USP8: variants seen among roughly 807,000 people sequenced by gnomAD.
USP8 encodes ubiquitin specific peptidase 8.
USP8 carries 27 observed loss-of-function variants against 130.0 expected under a neutral mutation model. The observed-to-expected ratio is 0.21, with a 90% confidence interval of 0.15 to 0.29. USP8 has a LOEUF of 0.29. Among genes scored for constraint, USP8 ranks in the 10% least tolerant of loss-of-function variants. The pLI, the probability that USP8 is intolerant of heterozygous loss-of-function variation, is 1.00. For synonymous variants in USP8, 392 were observed against 444.1 expected, an observed-to-expected ratio of 0.88 and a Z score of 1.48; for missense variants, 1,029 against 1,312.2, an observed-to-expected ratio of 0.78 and a Z score of 3.33.
chr15:50,456,413 T>C (rs934356466), intron 4 of USP8, among the ~76,000 whole-genome samples: 1 of 149,496 alleles, frequency 6.7e-6, no homozygotes, highest in Admixed American at 6.7e-5. Flanking sequence ...CTACTAAAAA[T>C]ACAAAAATAA....
rs779376532 is a variant in USP8, at chr15:50,497,221, C to T, written c.3028C>T (p.His1010Tyr). Residue 1010 changes from histidine to tyrosine, a missense_variant, in exon 18 of 20, where the codon CAT becomes TAT. Transcript: ENST00000307179. ...GAAGTTACCACCTGTGCTTTTAGTG[C>T]ATCTGAAACGGTAAAGGGGAAAGTT... is the stretch of plus-strand genomic sequence containing the variant. ...IWKLPPVLLV[H>Y]LKRFSYDGRW... 1 of 1,602,290 alleles carries T rather than the reference C, an allele frequency of 6.2e-7. No individual in the cohort carries two copies. Among genetic ancestry groups the T allele is most frequent in the Non-Finnish European group, 8.5e-7 (1 of 1,176,694 alleles).
At position 50,481,983 on chromosome 15, in the gene USP8, G is replaced by A; in HGVS notation, c.1721G>A (p.Arg574Lys). Residue 574 changes from arginine to lysine, a missense_variant, in exon 11 of 20, where the codon AGG (arginine) becomes AAG (lysine). This residue lies in a region of USP8 where 486 missense variants were observed against 522.0 expected (regional missense o/e 0.93). Coordinates refer to ENST00000307179, the MANE Select transcript of USP8 (RefSeq NM_005154.5). ...AAATCTGTAGAAGATAGGGGGAAAA[G>A]GTGTCCAACCCCAGAAATACAGAAA... ...AKKSVEDRGK[R>K]CPTPEIQKKS... is the part of the protein sequence containing the mutation. The A allele has an allele frequency of 6.3e-7, 1 of 1,594,314 alleles. No individual in the cohort carries two copies. The highest frequency in any genetic ancestry group is 1.1e-5 in the South Asian group (1 of 87,140).
Position 50,481,948 on chromosome 15 carries a change from T to C in USP8, c.1686T>C (p.Ser562=). Residue 562 remains serine (S), a synonymous_variant, in exon 11 of 20, where the codon TCT becomes TCC. Transcript: ENST00000307179. ...AAAGTAAAAGTGAACATGAAACTTCTGATGCCAAGAAATCTGTAGAAGATA... is the reference window on the plus strand; with the variant it reads ...AAAGTAAAAGTGAACATGAAACTTCCGATGCCAAGAAATCTGTAGAAGATA... The part of the protein sequence containing the change: ...KRQSKSEHET[S]DAKKSVEDRG... The C allele has an allele frequency of 6.2e-7, 1 of 1,607,672 alleles. No individual in the cohort carries two copies. Among genetic ancestry groups the C allele is most frequent in the South Asian group, 1.1e-5 (1 of 89,588 alleles).
intron 8 of USP8, among the ~76,000 whole-genome samples, chr15:50,475,963 T>C (rs879400444): frequency 1.3e-5 from 2 of 152,140 alleles, no homozygotes; most frequent in Non-Finnish European, 2.9e-5. Context: ...TTGAAAACCT[T>C]AAAATGTTCG....
rs1407751876 is a variant in USP8 at position 50,499,847 on chromosome 15, T to G, written c.*759T>G. 1 of 152,192 alleles carries G rather than the reference T, an allele frequency of 6.6e-6. No individual in the cohort carries two copies. Among genetic ancestry groups the G allele is most frequent in the East Asian group, 1.9e-4 (1 of 5,208 alleles). 9.4% of individuals were successfully genotyped at this position (152,192 alleles called of 1,614,324 possible). Reference sequence around the variant, plus strand: ...TATAGGACAGTAAAACCATAGATTTTATATACACACGTGCTATATAATAAC... The same window carrying G: ...TATAGGACAGTAAAACCATAGATTTGATATACACACGTGCTATATAATAAC... On this transcript the variant is annotated 3_prime_UTR_variant, in exon 20 of 20. Transcript: ENST00000307179.
At chr15:50,427,183 G>A (rs541731474) in intron 1 of USP8, among the ~76,000 whole-genome samples, 1 of 152,146 alleles carries the variant, frequency 6.6e-6, no homozygotes, top group East Asian at 1.9e-4. Context: ...TGATCCACCT[G>A]CCTCAACCTC....
chr15:50,464,717 C>T (rs946957412), intron 6 of USP8, among the ~76,000 whole-genome samples: 2 of 152,052 alleles, frequency 1.3e-5, no homozygotes, highest in African/African-American at 2.4e-5. Context: ...ATTAGCCAGG[C>T]GTGGTAACAG....
At chr15:50,461,804 G>A (rs891154888) in intron 5 of USP8, among the ~76,000 whole-genome samples, 2 of 150,398 alleles carry the variant, frequency 1.3e-5, no homozygotes, top group Middle Eastern at 3.4e-3. Context: ...AGTGTGCCAA[G>A]ATGGCACCAT....
Position 50,490,260 on chromosome 15 carries a change from A to C in USP8, c.1972-3A>C. 1 of 1,575,212 alleles carries C rather than the reference A, an allele frequency of 6.3e-7. No homozygotes were observed. Among genetic ancestry groups the C allele is most frequent in the East Asian group, 2.3e-5 (1 of 44,252 alleles). ...CTGTTTTTTTTTTTCTTTTCCATCT[A>C]AGTTTCTTGACCCAATCACTGGAAC... On this transcript the variant is annotated splice_region_variant and splice_polypyrimidine_tract_variant and intron_variant, in intron 13 of 19. Transcript: ENST00000307179.
At chr15:50,482,979 A>G (rs974129297) in intron 11 of USP8, among the ~76,000 whole-genome samples, 1 of 152,206 alleles carries the variant, frequency 6.6e-6, no homozygotes, top group Non-Finnish European at 1.5e-5. Context: ...CTTCCATCCA[A>G]AAACCTTCTA....
At chr15:50,471,962 G>A (rs1181213839) in intron 8 of USP8, among the ~76,000 whole-genome samples, 167 bp downstream of exon 8, 28 of 149,128 alleles carry the variant, frequency 1.9e-4, no homozygotes, top group Admixed American at 1.6e-3. Context: ...GTACAGTGGC[G>A]TGATCTCAGC....
chr15:50,434,936 A>G (rs1053888935), intron 1 of USP8, among the ~76,000 whole-genome samples: 5 of 152,174 alleles, frequency 3.3e-5, no homozygotes, highest in African/African-American at 1.2e-4. Flanking sequence ...GATAATTTCA[A>G]TGTGTTGTAT....
intron 4 of USP8, among the ~76,000 whole-genome samples, chr15:50,454,139 C>G (rs1048203990): frequency 6.6e-6 from 1 of 152,178 alleles, no homozygotes; most frequent in Admixed American, 6.5e-5. Context: ...GCTGCGATCA[C>G]AGGCGTGAGC....
chr15:50,440,292 G>C (rs762519372), intron 2 of USP8, among the ~76,000 whole-genome samples: 24 of 152,124 alleles, frequency 1.6e-4, no homozygotes, highest in Non-Finnish European at 2.8e-4. Flanking sequence ...GTAATGTCTG[G>C]TTTACCTCTA....
At chr15:50,493,066 A>C in intron 15 of USP8, 153 bp downstream of exon 15, 1 of 837,706 alleles carries the variant, frequency 1.2e-6, no homozygotes, top group Non-Finnish European at 1.9e-6. Context: ...TTAGTTCTTG[A>C]CTGGGAAGGC....
At chr15:50,474,233 G>T (rs1157310660) in intron 8 of USP8, among the ~76,000 whole-genome samples, 1 of 151,930 alleles carries the variant, frequency 6.6e-6, no homozygotes, top group Non-Finnish European at 1.5e-5. Context: ...AAAACTCCTG[G>T]GCTCAAACAA....
chr15:50,481,702 A>G lies in USP8; in HGVS notation c.1440A>G (p.Lys480=), dbSNP rs1474963556. Residue 480 remains lysine, a synonymous_variant, in exon 11 of 20, where the codon AAA becomes AAG. Transcript: ENST00000307179. The part of the protein sequence containing the change: ...ALLMEKNKQE[K]ELRERQQEEQ... Reference sequence around the variant, plus strand: ...TAATGGAAAAAAACAAACAAGAAAAAGAACTTCGGGAAAGGCAGCAAGAGG... The same window carrying G: ...TAATGGAAAAAAACAAACAAGAAAAGGAACTTCGGGAAAGGCAGCAAGAGG... 1 of 1,612,292 alleles carries G rather than the reference A, an allele frequency of 6.2e-7. No individual in the cohort carries two copies. Among genetic ancestry groups the G allele is most frequent in the Non-Finnish European group, 8.5e-7 (1 of 1,179,680 alleles).
chr15:50,487,159 A>AT (rs1371149406), intron 12 of USP8, among the ~76,000 whole-genome samples: 6 of 152,102 alleles, frequency 3.9e-5, no homozygotes, highest in African/African-American at 1.4e-4. Flanking sequence ...ATGTAACCAA[A>AT]TATCACCTGT....
At chr15:50,444,271 A>G (rs968812219) in intron 3 of USP8, among the ~76,000 whole-genome samples, 2 of 151,084 alleles carry the variant, frequency 1.3e-5, no homozygotes, top group Non-Finnish European at 3.0e-5. Flanking sequence ...GCCTGGCCTA[A>G]TTTTTGTATT....
Sources: allele counts gnomAD v4.1 joint callset (sites outside exome capture counted in the v4.1 genomes callset), GRCh38; gene constraint gnomAD v4.1.1; regional missense constraint gnomAD v4.1.1; transcripts MANE v1.5; gene names NCBI Gene and HGNC (gene_info 2026-07-23, HGNC 2026-07-21).